Variants in ASS1 observed in about 807,000 individuals in gnomAD.
ASS1 encodes the protein argininosuccinate synthase.
Under a neutral mutation model 60.5 loss-of-function variants are expected in ASS1, and 58 were observed. That is an observed-to-expected ratio of 0.96 (90% confidence interval 0.78 to 1.19). The LOEUF (loss-of-function observed/expected upper bound fraction) is 1.19. Among genes scored for constraint, ASS1 ranks in the 50% most tolerant of loss-of-function variants. ASS1 has a pLI of 0.00. For synonymous variants in ASS1, 200 were observed against 206.9 expected, an observed-to-expected ratio of 0.97 and a Z score of 0.29; for missense variants, 454 against 547.3, an observed-to-expected ratio of 0.83 and a Z score of 1.70.
chr9:130,461,887 TCAGGG>T (rs1023216622), intron 4 of ASS1, among the ~76,000 whole-genome samples: 1 of 152,108 alleles, frequency 6.6e-6, no homozygotes, highest in African/African-American at 2.4e-5. Context: ...GTCTTTGGGC[TCAGGG>T]AAGGTGACAG....
chr9:130,458,283 C>A (rs760654100), intron 3 of ASS1, 118 bp from the exon 4 acceptor site: 12 of 1,121,024 alleles, frequency 1.1e-5, no homozygotes, highest in Middle Eastern at 2.8e-4. Flanking sequence ...AGAAGAAGCA[C>A]CAGGTACAGC....
chr9:130,496,265 A>G (rs1377624065), intron 13 of ASS1, among the ~76,000 whole-genome samples: 1 of 151,890 alleles, frequency 6.6e-6, no homozygotes. Flanking sequence ...TACTAAAAAT[A>G]AAAAAATTAG....
intron 6 of ASS1, among the ~76,000 whole-genome samples, chr9:130,469,441 C>T (rs1416946589): frequency 6.6e-6 from 1 of 151,194 alleles, no homozygotes; most frequent in Non-Finnish European, 1.5e-5. Context: ...GATAGAGTCT[C>T]ACTCTGTCAC....
intron 13 of ASS1, among the ~76,000 whole-genome samples, chr9:130,499,032 G>A (rs1237277959): frequency 6.6e-6 from 1 of 152,126 alleles, no homozygotes; most frequent in Non-Finnish European, 1.5e-5. Context: ...GGCCCATCTC[G>A]CTGTGAATGC....
rs148822724 is a variant in ASS1 at position 130,450,833 on chromosome 9, C to A, written c.-5-1391C>A. ...GTGACCCTTCTGGGCTCCACTTCCC[C>A]AGTAGTGTCTAATAAAGACCCTGGG... On this transcript the variant is annotated intron_variant, in intron 1 of 14. Transcript: ENST00000352480. 2.3e-3 allele frequency among the ~76,000 whole-genome samples: 357 copies of A among 152,374 alleles called. 1 individual carries two copies. Among genetic ancestry groups the A allele is most frequent in the Non-Finnish European group, 4.2e-3 (287 of 68,044 alleles).
chr9:130,492,944 G>A (rs1846484112), intron 12 of ASS1, among the ~76,000 whole-genome samples: 1 of 152,178 alleles, frequency 6.6e-6, no homozygotes, highest in Non-Finnish European at 1.5e-5. Context: ...GTGGGGCAGA[G>A]GTAGAAAATT....
intron 4 of ASS1, among the ~76,000 whole-genome samples, chr9:130,463,151 G>A (rs1845643757): frequency 1.3e-5 from 2 of 152,354 alleles, no homozygotes; most frequent in South Asian, 2.1e-4. Context: ...AATTCCCACC[G>A]CTGCCTGGCT....
At position 130,501,063 on chromosome 9, in the gene ASS1, A is replaced by C; in HGVS notation, c.*42A>C. 6.4e-7 allele frequency: 1 copy of C among 1,570,932 alleles called. No individual in the cohort carries two copies. The highest frequency in any genetic ancestry group is 8.7e-7 in the Non-Finnish European group (1 of 1,146,080). The stretch of plus-strand genomic sequence containing the variant: ...GAGCTGGGGCCTCCTCAATTTGCAG[A>C]TCCCCCAAGTACAGGCGCTAATTGT... On this transcript the variant is annotated 3_prime_UTR_variant, in exon 15 of 15. Coordinates refer to ENST00000352480, the MANE Select transcript of ASS1 (RefSeq NM_054012.4).
At chr9:130,471,441 A>C (rs973967493) in intron 7 of ASS1, 44 bp from the exon 8 acceptor site, 1 of 1,610,602 alleles carries the variant, frequency 6.2e-7, no homozygotes, top group Non-Finnish European at 8.5e-7. Flanking sequence ...GGGACATGCC[A>C]TGTCCCTCCC....
intron 11 of ASS1, among the ~76,000 whole-genome samples, chr9:130,483,818 TC>T (rs1414114472): frequency 1.1e-4 from 4 of 35,382 alleles, no homozygotes; most frequent in South Asian, 8.5e-4. Context: ...CTCCTTCCCC[TC>T]TTCCCTCCCT....
intron 9 of ASS1, among the ~76,000 whole-genome samples, chr9:130,479,270 G>A (rs560987999): frequency 2.0e-5 from 3 of 152,136 alleles, no homozygotes; most frequent in Admixed American, 2.0e-4. Flanking sequence ...CCTGACAGAC[G>A]TGGCAGGGGG....
At chr9:130,467,449 ACT>A (rs1358928736) in intron 6 of ASS1, among the ~76,000 whole-genome samples, 3 of 152,068 alleles carry the variant, frequency 2.0e-5, no homozygotes, top group Admixed American at 2.0e-4. Flanking sequence ...GGGAAAAGCA[ACT>A]CAGCGCACAC....
At chr9:130,485,145 A>G (rs941077538) in intron 11 of ASS1, among the ~76,000 whole-genome samples, 75 of 152,278 alleles carry the variant, frequency 4.9e-4, no homozygotes, top group African/African-American at 1.8e-3. Flanking sequence ...GACAAGTCAC[A>G]GCTCTTCCTC....
chr9:130,501,258 C>T lies in ASS1; in HGVS notation c.*237C>T. On this transcript the variant is annotated 3_prime_UTR_variant, in exon 15 of 15. Transcript: ENST00000352480. Reference sequence around the variant, plus strand: ...ATAAAAATGACAATTAAAAGAGACACTAGTCTTTTATTTCTAGTGAGTGTG... The same window carrying T: ...ATAAAAATGACAATTAAAAGAGACATTAGTCTTTTATTTCTAGTGAGTGTG... 3 of 530,914 alleles carry T rather than the reference C, an allele frequency of 5.7e-6. No individual in the cohort carries two copies. The South Asian group carries it at 6.0e-5, about 11-fold the overall frequency. 32.9% of individuals were successfully genotyped at this position (530,914 alleles called of 1,614,324 possible).
At chr9:130,453,593 C>A (rs114455711) in intron 2 of ASS1, among the ~76,000 whole-genome samples, 1,915 of 152,250 alleles carry the variant, frequency 0.013, 36 homozygotes, top group African/African-American at 0.044. Context: ...GCGTATAGAC[C>A]CCTGGGCTAC....
intron 4 of ASS1, 68 bp downstream of exon 4, chr9:130,458,657 C>A (rs1278330525): frequency 6.4e-7 from 1 of 1,559,924 alleles, no homozygotes; most frequent in African/African-American, 1.4e-5. Context: ...GAGATGAGCA[C>A]CCCTCGAGCG....
rs1294596898 is a variant in ASS1, at chr9:130,488,189, G to C, written c.839-1144G>C. 6.6e-6 allele frequency among the ~76,000 whole-genome samples: 1 copy of C among 151,340 alleles called. No individual in the cohort carries two copies. Among genetic ancestry groups the C allele is most frequent in the African/African-American group, 2.4e-5 (1 of 41,302 alleles). ...TTGTGATTAATGCTGCTATGAACAT[G>C]AGTGTACAAATCCTTTCTGGGTTTT... On this transcript the variant is annotated intron_variant, in intron 11 of 14. Coordinates refer to ENST00000352480, the MANE Select transcript of ASS1 (RefSeq NM_054012.4). The surrounding 1 kb of genome is among the most constrained non-coding windows in gnomAD (Gnocchi z 5.2).
Sources: allele counts gnomAD v4.1 joint callset (sites outside exome capture counted in the v4.1 genomes callset), GRCh38; gene constraint gnomAD v4.1.1; non-coding constraint Gnocchi (gnomAD v3.1); transcripts MANE v1.5; gene names NCBI Gene and HGNC (gene_info 2026-07-23, HGNC 2026-07-21).